Variants in SAMMSON observed in about 807,000 individuals in gnomAD.
SAMMSON encodes the protein long intergenic non-protein coding RNA 1212.
At position 70,418,999 on chromosome 3, in the gene SAMMSON, C is replaced by CTT. The variant is rs1553664171; in HGVS notation, n.234-43560_234-43559insTT. ...CTTCCTTCTCTCTCTCTCTCTCTCT[C>CTT]TCTTTCTTTCTTTCTTTCCTTCTTT... is the stretch of plus-strand genomic sequence containing the variant. On this transcript the variant is annotated intron_variant and non_coding_transcript_variant, in intron 2 of 3. Coordinates refer to the SAMMSON transcript ENST00000641053. Among the ~76,000 whole-genome samples, 196 of 119,240 alleles carry CTT rather than the reference C, an allele frequency of 1.6e-3. 1 individual carries two copies. Among genetic ancestry groups the CTT allele is most frequent in the African/African-American group, 4.9e-3 (139 of 28,612 alleles). 78.2% of individuals were successfully genotyped at this position (119,240 alleles called of 152,430 possible).
chr3:70,134,087 C>CAAAAAAA (rs1157606808), intron 4 of SAMMSON, among the ~76,000 whole-genome samples: 3 of 60,572 alleles, frequency 5.0e-5, no homozygotes, highest in African/African-American at 1.7e-4. Context: ...ACTGAAAATA[C>CAAAAAAA]AAAAAAAAAA....
Position 70,082,540 on chromosome 3 carries a change from C to G in SAMMSON, n.507+10975C>G, listed in dbSNP as rs114646230. The stretch of plus-strand genomic sequence containing the variant: ...CCTTTTTTCCTTAGGAAAATGAACC[C>G]TCAAACCACCTTGGTTTCTGCTCCT... On this transcript the variant is annotated intron_variant and non_coding_transcript_variant, in intron 4 of 9. Transcript: ENST00000642114. Among the ~76,000 whole-genome samples, 1,081 of 152,256 alleles carry G rather than the reference C, an allele frequency of 7.1e-3. 9 individuals are homozygous for G. Among genetic ancestry groups the G allele is most frequent in the African/African-American group, 0.023 (954 of 41,548 alleles).
At chr3:70,303,737 A>T (rs1702372828) in intron 7 of SAMMSON, among the ~76,000 whole-genome samples, 1 of 152,028 alleles carries the variant, frequency 6.6e-6, no homozygotes, top group Non-Finnish European at 1.5e-5. Flanking sequence ...GCTGAAGTGC[A>T]GTGGTGTGAT....
intron 4 of SAMMSON, among the ~76,000 whole-genome samples, chr3:70,097,399 G>C (rs757956565): frequency 7.9e-5 from 12 of 152,192 alleles, no homozygotes; most frequent in Non-Finnish European, 1.8e-4. Context: ...TGGATGAACC[G>C]GTATAAACCA....
intron 7 of SAMMSON, among the ~76,000 whole-genome samples, chr3:70,346,501 C>T (rs867819398): frequency 9.2e-5 from 14 of 152,046 alleles, no homozygotes; most frequent in African/African-American, 3.1e-4. Context: ...TATAAATATC[C>T]AACTGTTTCA....
intron 4 of SAMMSON, among the ~76,000 whole-genome samples, chr3:70,092,910 T>TG (rs1373222182): frequency 2.0e-5 from 3 of 150,822 alleles, no homozygotes; most frequent in Admixed American, 1.3e-4. Flanking sequence ...TTGTTTTTTT[T>TG]TTTTTGTTTT....
chr3:70,418,995 CTCTCTCTT>C (rs1400766824), intron 2 of SAMMSON, among the ~76,000 whole-genome samples: 6 of 113,018 alleles, frequency 5.3e-5, no homozygotes, highest in Non-Finnish European at 5.3e-5. Flanking sequence ...CTCTCTCTCT[CTCTCTCTT>C]TCTTTCTTTC....
chr3:70,291,997 A>G (rs1337120813), intron 7 of SAMMSON: 1 of 152,194 alleles, frequency 6.6e-6, no homozygotes, highest in Non-Finnish European at 1.5e-5. Flanking sequence ...TATCATATAC[A>G]AGACACGATG....
intron 2 of SAMMSON, among the ~76,000 whole-genome samples, chr3:70,427,641 G>A (rs1330470862): frequency 1.3e-5 from 2 of 151,868 alleles, no homozygotes; most frequent in Non-Finnish European, 2.9e-5. Context: ...GGGAGGCTGA[G>A]GCAGGAGAAT....
rs959665403 is a variant in SAMMSON, at chr3:70,178,065, G to A, written n.508-71042G>A. On this transcript the variant is annotated intron_variant and non_coding_transcript_variant, in intron 4 of 9. Transcript: ENST00000642114. Reference sequence around the variant, plus strand: ...AGTTAGCAAGATGAACCAGTTGGCCGTTACACATGCTGGCAGGGCCATCCT... The same window carrying A: ...AGTTAGCAAGATGAACCAGTTGGCCATTACACATGCTGGCAGGGCCATCCT... 3.3e-5 allele frequency among the ~76,000 whole-genome samples: 5 copies of A among 152,078 alleles called. No individual in the cohort carries two copies. In the East Asian group the frequency reaches 5.8e-4, roughly 18 times the overall value.
At chr3:70,195,607 C>T (rs1398390489) in intron 4 of SAMMSON, among the ~76,000 whole-genome samples, 2 of 152,170 alleles carry the variant, frequency 1.3e-5, no homozygotes, top group Non-Finnish European at 2.9e-5. Flanking sequence ...TTTGTTGTTG[C>T]TGTTTCCCTA....
intron 2 of SAMMSON, among the ~76,000 whole-genome samples, chr3:70,419,566 G>T (rs530230352): frequency 4.6e-4 from 70 of 152,202 alleles, no homozygotes; most frequent in African/African-American, 1.6e-3. Context: ...TCAATTCCAG[G>T]GCATAGGTTA....
At chr3:70,200,343 C>G (rs1189468101) in intron 4 of SAMMSON, among the ~76,000 whole-genome samples, 1 of 152,192 alleles carries the variant, frequency 6.6e-6, no homozygotes, top group Admixed American at 6.5e-5. Context: ...CCTACAAGCC[C>G]TTGCATGATT....
intron 4 of SAMMSON, among the ~76,000 whole-genome samples, chr3:70,170,945 T>C (rs1242312692): frequency 1.3e-5 from 2 of 151,898 alleles, no homozygotes; most frequent in East Asian, 3.9e-4. Flanking sequence ...ATGGAGATTC[T>C]GCCTGTGTAA....
intron 9 of SAMMSON, among the ~76,000 whole-genome samples, chr3:70,374,922 T>C (rs1404350294): frequency 6.6e-6 from 1 of 152,150 alleles, no homozygotes; most frequent in Non-Finnish European, 1.5e-5. Flanking sequence ...TTGCTGTGGC[T>C]TATTCATCTT....
At chr3:70,215,470 G>A (rs1701399935) in intron 4 of SAMMSON, among the ~76,000 whole-genome samples, 2 of 151,938 alleles carry the variant, frequency 1.3e-5, no homozygotes, top group Non-Finnish European at 1.5e-5. Flanking sequence ...TTTTATGTAG[G>A]TTCAAACCTA....
chr3:70,218,071 A>T (rs1228016940), intron 4 of SAMMSON, among the ~76,000 whole-genome samples: 1 of 152,132 alleles, frequency 6.6e-6, no homozygotes, highest in Non-Finnish European at 1.5e-5. Context: ...TGTGTGCCCA[A>T]TGAACTATGG....
chr3:70,131,698 G>A (rs975405292), intron 4 of SAMMSON, among the ~76,000 whole-genome samples: 2 of 151,880 alleles, frequency 1.3e-5, no homozygotes, highest in African/African-American at 2.4e-5. Context: ...CTCTCACCTC[G>A]GCCTCCTGAG....
intron 4 of SAMMSON, among the ~76,000 whole-genome samples, chr3:70,093,418 T>A (rs2067312517): frequency 6.6e-6 from 1 of 152,190 alleles, no homozygotes; most frequent in Non-Finnish European, 1.5e-5. Flanking sequence ...TATCTTAGAT[T>A]GTCAATGGCT....
Sources: gnomAD v4.1 joint callset for allele counts (sites outside exome capture counted in the v4.1 genomes callset) on GRCh38, gnomAD v4.1.1 for gene constraint, MANE v1.5 for transcripts, NCBI Gene and HGNC (gene_info 2026-07-23, HGNC 2026-07-21) for gene names.